The following LITAF variants were observed in gnomAD, a reference collection of about 807,000 sequenced individuals.
LITAF encodes lipopolysaccharide induced TNF factor.
LITAF carries 9 observed loss-of-function variants against 14.5 expected under a neutral mutation model. The ratio of observed to expected loss-of-function variants is 0.62; its 90% CI spans 0.37 to 1.08. The LOEUF (loss-of-function observed/expected upper bound fraction) is 1.08. Among genes scored for constraint, LITAF ranks in the 50% least tolerant of loss-of-function variants. LITAF has a pLI of 0.01. For missense variants in LITAF, 206 were observed against 213.4 expected, an observed-to-expected ratio of 0.97 and a Z score of 0.22; for synonymous variants, 98 against 88.2, an observed-to-expected ratio of 1.11 and a Z score of -0.62.
chr16:11,600,471 C>T (rs866367143), upstream of LITAF, among the ~76,000 whole-genome samples: 4 of 152,342 alleles, frequency 2.6e-5, no homozygotes, highest in Middle Eastern at 6.8e-3. The surrounding 1 kb of genome is among the most constrained non-coding windows in gnomAD (Gnocchi z 4.1). Context: ...AGCGCAACCC[C>T]ACCTCCAAGT....
intron 3 of LITAF, among the ~76,000 whole-genome samples, chr16:11,607,544 G>T (rs1314855214): frequency 1.3e-5 from 2 of 149,384 alleles, no homozygotes; most frequent in African/African-American, 2.5e-5. Flanking sequence ...GTATCATTCG[G>T]GAAAAAAAAA....
rs979021016 is a variant in LITAF, at chr16:11,586,911, G to C, written c.-31C>G. On this transcript the variant is annotated 5_prime_UTR_variant, in exon 1 of 4. Transcript: ENST00000622633. The surrounding 1 kb of genome is among the most constrained non-coding windows in gnomAD (Gnocchi z 6.5). ...CGCCGCCCGCGCCGCCTGTCGAGCC[G>C]GGAGGTCTGAGCTGGCCTCTCGGGC... 1 of 150,070 alleles carries C rather than the reference G, an allele frequency of 6.7e-6. No homozygotes were observed. The highest frequency in any genetic ancestry group is 2.5e-5 in the African/African-American group (1 of 40,744). The allele number at this position is 150,070 out of a possible 1,614,324, so 9.3% of individuals were successfully genotyped here. A position where few individuals can be genotyped will look rare whatever the true frequency, so the allele number is the denominator to read the frequency against.
At chr16:11,615,962 C>G (rs983633501) in intron 3 of LITAF, among the ~76,000 whole-genome samples, 1 of 152,134 alleles carries the variant, frequency 6.6e-6, no homozygotes, top group Admixed American at 6.5e-5. Context: ...GAGTTGGGTC[C>G]AATCACCAAT....
intron 1 of LITAF, among the ~76,000 whole-genome samples, chr16:11,563,965 G>T (rs754196660): frequency 6.6e-6 from 1 of 152,018 alleles, no homozygotes; most frequent in Admixed American, 6.6e-5. Flanking sequence ...GGAGTGTAGT[G>T]GCATGATTTC....
chr16:11,566,795 TA>T (rs568347672), intron 1 of LITAF, among the ~76,000 whole-genome samples: 5,463 of 141,618 alleles, frequency 0.039, 262 homozygotes, highest in African/African-American at 0.12. Flanking sequence ...TACCTTGGGT[TA>T]AAAAAAAAAA....
intron 1 of LITAF, among the ~76,000 whole-genome samples, chr16:11,595,585 C>T (rs1355927232): frequency 6.6e-6 from 1 of 152,142 alleles, no homozygotes; most frequent in African/African-American, 2.4e-5. Flanking sequence ...AAAAATTAGC[C>T]GGGCATGGTC....
intron 3 of LITAF, among the ~76,000 whole-genome samples, chr16:11,627,297 C>T (rs1348127916): frequency 6.6e-6 from 1 of 152,156 alleles, no homozygotes; most frequent in Non-Finnish European, 1.5e-5. Context: ...CCGGAGCTGC[C>T]CAGCACCATC....
At chr16:11,637,904 A>C (rs1477141236), upstream of LITAF, among the ~76,000 whole-genome samples, 7 of 60,754 alleles carry the variant, frequency 1.2e-4, 1 homozygote, top group East Asian at 1.1e-3. Flanking sequence ...AAAACTATAT[A>C]TATATATATC....
exon 1 of LITAF, chr16:11,598,442 G>A (rs2064906192): frequency 6.6e-6 from 1 of 152,246 alleles, no homozygotes; most frequent in Non-Finnish European, 1.5e-5. Context: ...ATCAGTGTCT[G>A]TCCATCATCT....
chr16:11,611,835 T>C (rs2064983832), intron 3 of LITAF, among the ~76,000 whole-genome samples: 2 of 152,026 alleles, frequency 1.3e-5, no homozygotes, highest in Admixed American at 6.6e-5. Flanking sequence ...GATAGTTTTT[T>C]TGTATTTTTA....
At chr16:11,637,532 A>C (rs1222781077), upstream of LITAF, among the ~76,000 whole-genome samples, 3 of 152,244 alleles carry the variant, frequency 2.0e-5, no homozygotes, top group Non-Finnish European at 1.5e-5. Context: ...GAGCAAATGA[A>C]ACAATCCACC....
At chr16:11,579,286 C>A (rs1417436969) in intron 1 of LITAF, among the ~76,000 whole-genome samples, 2 of 150,722 alleles carry the variant, frequency 1.3e-5, no homozygotes, top group Non-Finnish European at 2.9e-5. Flanking sequence ...CCCGTCTCTA[C>A]TAAAAATACA....
chr16:11,550,174 C>G (rs545587104), intron 3 of LITAF, among the ~76,000 whole-genome samples: 1 of 152,238 alleles, frequency 6.6e-6, no homozygotes, highest in Admixed American at 6.5e-5. Context: ...AGCAATTCTC[C>G]CTCCTCCTGG....
At chr16:11,616,149 T>C (rs2065018700) in intron 3 of LITAF, among the ~76,000 whole-genome samples, 1 of 152,158 alleles carries the variant, frequency 6.6e-6, no homozygotes, top group African/African-American at 2.4e-5. Context: ...CCTATGCTCC[T>C]GTGCATCTGG....
intron 3 of LITAF, among the ~76,000 whole-genome samples, chr16:11,615,897 G>C (rs2065016745): frequency 6.6e-6 from 1 of 152,080 alleles, no homozygotes; most frequent in Middle Eastern, 3.2e-3. Flanking sequence ...ATGCTTAGAG[G>C]GTTAGAAGGT....
At chr16:11,603,527 G>C (rs1044863822) in intron 3 of LITAF, among the ~76,000 whole-genome samples, 1 of 152,210 alleles carries the variant, frequency 6.6e-6, no homozygotes, top group Non-Finnish European at 1.5e-5. Context: ...TTCCAAAATG[G>C]AACAGGCGCT....
intron 2 of LITAF, among the ~76,000 whole-genome samples, chr16:11,554,986 C>G (rs1024607486): frequency 6.6e-6 from 1 of 152,040 alleles, no homozygotes; most frequent in African/African-American, 2.4e-5. Flanking sequence ...TAGAAAGACC[C>G]TCCTTCCAGA....
chr16:11,611,175 C>T (rs1043505690), intron 3 of LITAF, among the ~76,000 whole-genome samples: 18 of 148,496 alleles, frequency 1.2e-4, no homozygotes, highest in African/African-American at 4.4e-4. Flanking sequence ...AATAGTGAGA[C>T]AAAAAAAAAA....
chr16:11,628,852 T>C (rs36021052), intron 3 of LITAF, among the ~76,000 whole-genome samples: 46,384 of 152,080 alleles, frequency 0.3, 9,316 homozygotes, highest in African/African-American at 0.57. Flanking sequence ...AATTTTTGTA[T>C]TTTAGTAGAG....
Sources: gnomAD v4.1 joint callset for allele counts (sites outside exome capture counted in the v4.1 genomes callset) on GRCh38, gnomAD v4.1.1 for gene constraint, Gnocchi (gnomAD v3.1) non-coding constraint, MANE v1.5 for transcripts, NCBI Gene and HGNC (gene_info 2026-07-23, HGNC 2026-07-21) for gene names.